Variants in CEMIP observed in about 807,000 individuals in gnomAD.
The protein encoded by CEMIP is cell migration inducing hyaluronidase 1.
Under a neutral mutation model 156.9 loss-of-function variants are expected in CEMIP, and 105 were observed. The observed-to-expected ratio is 0.67, with a 90% CI of 0.57 to 0.79. The LOEUF (loss-of-function observed/expected upper bound fraction) is 0.79, where lower values mean the gene tolerates loss of function less well. Among genes scored for constraint, CEMIP ranks in the 30% least tolerant of loss-of-function variants. The probability of loss-of-function intolerance (pLI) is 0.00; values close to 1 mark genes in which losing one functional copy is unlikely to be tolerated. For missense variants in CEMIP, 1,457 were observed against 1,769.4 expected (o/e 0.82, Z 3.17); for synonymous variants, 676 against 668.4 (o/e 1.01, Z -0.17).
intron 29 of CEMIP, 160 bp downstream of exon 29, chr15:80,947,225 G>A (rs558697567): frequency 3.2e-6 from 2 of 619,212 alleles, no homozygotes; most frequent in South Asian, 1.9e-5. Context: ...CTACTGGAAT[G>A]GATGGGCAAG....
chr15:80,895,884 C>T lies in CEMIP; in HGVS notation c.1235C>T (p.Thr412Ile). ...LCGKPVRPKLTVTIDTNVNST... is the reference protein window; with the variant it reads ...LCGKPVRPKLIVTIDTNVNST... ...TGGGTTACAGTGAGGCCCAAACTCA[C>T]AGTCACCATTGACACCAATGTGAAC... The change falls in exon 12 of 30, where the codon ACA becomes ATA. Residue 412 changes from threonine (T) to isoleucine (I), a missense_variant. Coordinates refer to ENST00000394685, the MANE Select transcript of CEMIP (RefSeq NM_001293298.2). The T allele has an allele frequency of 6.2e-7, 1 of 1,614,208 alleles. No homozygotes were observed. The highest frequency in any genetic ancestry group is 8.5e-7 in the Non-Finnish European group (1 of 1,180,032).
chr15:80,814,599 C>A (rs963140274), intron 1 of CEMIP, among the ~76,000 whole-genome samples: 2 of 152,344 alleles, frequency 1.3e-5, no homozygotes, highest in South Asian at 4.1e-4. Flanking sequence ...AACCTCAGGG[C>A]AGAACCTGTG....
intron 12 of CEMIP, among the ~76,000 whole-genome samples, chr15:80,903,478 A>G (rs1899660634): frequency 6.6e-6 from 1 of 152,194 alleles, no homozygotes; most frequent in South Asian, 2.1e-4. Context: ...CTGAGATGTA[A>G]AATAGCAAAG....
At chr15:80,944,369 G>C (rs1218049764) in intron 28 of CEMIP, among the ~76,000 whole-genome samples, 2 of 152,126 alleles carry the variant, frequency 1.3e-5, no homozygotes, top group African/African-American at 4.8e-5. Flanking sequence ...CAAGAGTGTG[G>C]CCTTCTCAAT....
intron 23 of CEMIP, among the ~76,000 whole-genome samples, chr15:80,934,757 G>A (rs546076841): frequency 6.6e-6 from 1 of 152,252 alleles, no homozygotes; most frequent in East Asian, 1.9e-4. Flanking sequence ...AGCTGGTGGG[G>A]GTCAGGTGCC....
chr15:80,803,268 T>C (rs1246940062), intron 1 of CEMIP, among the ~76,000 whole-genome samples: 1 of 152,034 alleles, frequency 6.6e-6, no homozygotes, highest in Non-Finnish European at 1.5e-5. Context: ...TACAAGGAGG[T>C]TATTGGGACA....
chr15:80,838,145 C>A (rs754977059), intron 1 of CEMIP, among the ~76,000 whole-genome samples: 19 of 152,178 alleles, frequency 1.2e-4, no homozygotes, highest in Admixed American at 2.0e-4. Flanking sequence ...GAATTCCAGG[C>A]AGAGTAGGAG....
chr15:80,815,421 CTTTCCAGA>C (rs1427454563), intron 1 of CEMIP, among the ~76,000 whole-genome samples: 1 of 152,224 alleles, frequency 6.6e-6, no homozygotes, highest in African/African-American at 2.4e-5. Flanking sequence ...GCCAAGAATA[CTTTCCAGA>C]TTGTTTGGCT....
chr15:80,815,002 A>G (rs1207692123), intron 1 of CEMIP, among the ~76,000 whole-genome samples: 1 of 152,196 alleles, frequency 6.6e-6, no homozygotes, highest in Non-Finnish European at 1.5e-5. Context: ...TGCACTTTCA[A>G]TACAGGTGGA....
chr15:80,835,207 T>C (rs1010436365), intron 1 of CEMIP, among the ~76,000 whole-genome samples: 1 of 152,098 alleles, frequency 6.6e-6, no homozygotes, highest in Non-Finnish European at 1.5e-5. Context: ...CTTCTTCCTA[T>C]CTTATATATC....
chr15:80,887,915 A>C (rs943362856), intron 8 of CEMIP, 151 bp downstream of exon 8: 1 of 710,902 alleles, frequency 1.4e-6, no homozygotes, highest in African/African-American at 1.8e-5. Flanking sequence ...TGGCCACCTT[A>C]CATGGAAGTG....
intron 19 of CEMIP, among the ~76,000 whole-genome samples, chr15:80,928,198 C>T (rs992539243): frequency 6.6e-6 from 1 of 152,026 alleles, no homozygotes; most frequent in African/African-American, 2.4e-5. Context: ...TGAAGGCGGC[C>T]ACTGTATTTG....
At chr15:80,926,740 C>T (rs1900686695) in intron 19 of CEMIP, among the ~76,000 whole-genome samples, 1 of 133,388 alleles carries the variant, frequency 7.5e-6, no homozygotes, top group Non-Finnish European at 1.6e-5. Context: ...CAGGCAGTGG[C>T]CAAAAATAAA....
In CEMIP at chr15:80,884,372, G is replaced by A. The variant is rs753504492; in HGVS notation, c.797+18G>A. The A allele has an allele frequency of 1.4e-5, 23 of 1,613,200 alleles. No homozygotes were observed. The highest frequency in any genetic ancestry group is 6.7e-5 in the Admixed American group (4 of 59,992). On this transcript the variant is annotated intron_variant, in intron 7 of 29. Transcript: ENST00000394685. ...GGATTTAGGTACTGCCCCTCACTTCGGCTTCCACTGGGCTCTGGAACATTG... is the reference window on the plus strand; with the variant it reads ...GGATTTAGGTACTGCCCCTCACTTCAGCTTCCACTGGGCTCTGGAACATTG...
At chr15:80,812,275 A>C in intron 1 of CEMIP, among the ~76,000 whole-genome samples, 1 of 152,316 alleles carries the variant, frequency 6.6e-6, no homozygotes, top group Middle Eastern at 3.4e-3. Context: ...GGTGGCCTGC[A>C]TCTGGGGATC....
chr15:80,925,949 C>T (rs903240663), intron 19 of CEMIP, among the ~76,000 whole-genome samples, 194 bp downstream of exon 19: 1 of 152,040 alleles, frequency 6.6e-6, no homozygotes, highest in Non-Finnish European at 1.5e-5. Context: ...CTAAAAGCAG[C>T]ATATTGGCTT....
At chr15:80,828,892 G>A (rs529995126) in intron 1 of CEMIP, among the ~76,000 whole-genome samples, 11 of 152,340 alleles carry the variant, frequency 7.2e-5, no homozygotes, top group African/African-American at 2.6e-4. Context: ...AGCCAGGAGT[G>A]GGGTAGAAAT....
chr15:80,876,315 C>T (rs1482068057), intron 3 of CEMIP, among the ~76,000 whole-genome samples: 1 of 152,202 alleles, frequency 6.6e-6, no homozygotes, highest in Non-Finnish European at 1.5e-5. Flanking sequence ...ACAGCCCAGC[C>T]CTCATGACCA....
chr15:80,882,777 CACACAT>C (rs1024762984), intron 6 of CEMIP, among the ~76,000 whole-genome samples: 1 of 151,922 alleles, frequency 6.6e-6, no homozygotes, highest in Non-Finnish European at 1.5e-5. Flanking sequence ...CACACACACA[CACACAT>C]ACACACACAC....
Sources: gnomAD v4.1 joint callset for allele counts (sites outside exome capture counted in the v4.1 genomes callset) on GRCh38, gnomAD v4.1.1 for gene constraint, MANE v1.5 for transcripts, NCBI Gene and HGNC (gene_info 2026-07-23, HGNC 2026-07-21) for gene names.